The following ARHGAP17 variants were observed in gnomAD, a reference collection of about 807,000 sequenced individuals.
ARHGAP17 encodes Rho GTPase activating protein 17.
In ARHGAP17, 57 loss-of-function variants were observed where a neutral mutation model predicts 99.5. The observed-to-expected ratio is 0.57, with a 90% CI of 0.46 to 0.71. The LOEUF (loss-of-function observed/expected upper bound fraction) is 0.71. ARHGAP17 is among the 30% of genes least tolerant of loss of function. The probability of loss-of-function intolerance (pLI) is 0.00; values close to 1 mark genes in which losing one functional copy is unlikely to be tolerated. For missense variants in ARHGAP17, 1,000 were observed against 1,122.4 expected (o/e 0.89, Z 1.56); for synonymous variants, 417 against 429.6 (o/e 0.97, Z 0.36).
intron 1 of ARHGAP17, among the ~76,000 whole-genome samples, chr16:24,994,299 T>C (rs2053133116): frequency 6.6e-6 from 1 of 152,142 alleles, no homozygotes; most frequent in Admixed American, 6.5e-5. Context: ...TTTAATGAGG[T>C]GTTTTGTCAA....
intron 6 of ARHGAP17, among the ~76,000 whole-genome samples, chr16:24,966,333 C>A (rs558628013): frequency 6.6e-6 from 1 of 152,060 alleles, no homozygotes; most frequent in South Asian, 2.1e-4. Context: ...CAGGTCTCTA[C>A]TAAAAATAAA....
At chr16:24,923,730 A>ATT (rs1368497657) in intron 19 of ARHGAP17, among the ~76,000 whole-genome samples, 3,387 of 133,358 alleles carry the variant, frequency 0.025, 121 homozygotes, top group African/African-American at 0.1. Flanking sequence ...TTTTTTTTAA[A>ATT]AAAAAAAAAA....
intron 19 of ARHGAP17, among the ~76,000 whole-genome samples, chr16:24,928,643 G>A (rs1439012080): frequency 6.6e-6 from 1 of 152,152 alleles, no homozygotes; most frequent in African/African-American, 2.4e-5. Context: ...TCCACTTACG[G>A]TTCCTACAGA....
intron 19 of ARHGAP17, among the ~76,000 whole-genome samples, chr16:24,927,013 A>G (rs1300143492): frequency 6.6e-6 from 1 of 152,162 alleles, no homozygotes; most frequent in Admixed American, 6.5e-5. Context: ...GCTCACACCT[A>G]TAATCCCAGC....
rs1839765438 is a variant in ARHGAP17, at chr16:24,964,181, C to A, written c.573+16G>T. On this transcript the variant is annotated intron_variant, in intron 7 of 19. Coordinates refer to ENST00000289968, the MANE Select transcript of ARHGAP17 (RefSeq NM_001006634.3). The stretch of plus-strand genomic sequence containing the variant: ...GCAAAAACCGAAAAGATACATTTAT[C>A]AAGGAATTCTCATACCTTGCACTGT... 1.3e-6 allele frequency: 2 copies of A among 1,502,500 alleles called. No individual in the cohort carries two copies. Among genetic ancestry groups the A allele is most frequent in the African/African-American group, 1.4e-5 (1 of 71,118 alleles). 93.1% of individuals were successfully genotyped at this position (1,502,500 alleles called of 1,614,324 possible). A position where few individuals can be genotyped will look rare whatever the true frequency, so the allele number is the denominator to read the frequency against.
In ARHGAP17 at chr16:24,939,513, C is replaced by T. The variant is rs765958113; in HGVS notation, c.1575G>A (p.Pro525=). Residue 525 remains proline (P), a synonymous_variant, in exon 17 of 20, where the codon CCG becomes CCA. Coordinates refer to ENST00000289968, the MANE Select transcript of ARHGAP17 (RefSeq NM_001006634.3). ...NRKHISPAFQ[P]PLPPTDGSTV... is the part of the protein sequence containing the mutation. ...TGCTGCCATCTGTGGGCGGAAGTGG[C>T]GGCTGGAAAGCGGGGGATATGTGCT... 20 of 1,610,220 alleles carry T rather than the reference C, an allele frequency of 1.2e-5. No homozygotes were observed. Among genetic ancestry groups the T allele is most frequent in the African/African-American group, 2.7e-5 (2 of 74,912 alleles).
At chr16:24,925,849 G>T (rs144211602) in intron 19 of ARHGAP17, among the ~76,000 whole-genome samples, 1 of 152,126 alleles carries the variant, frequency 6.6e-6, no homozygotes, top group Non-Finnish European at 1.5e-5. Context: ...GGTGGCTCAC[G>T]CCTGTAATCC....
chr16:25,014,704 C>G (rs2141566011), intron 1 of ARHGAP17, among the ~76,000 whole-genome samples: 1 of 152,348 alleles, frequency 6.6e-6, no homozygotes, highest in East Asian at 1.9e-4. Flanking sequence ...TTTCATGTCC[C>G]TCTAGCCATT....
chr16:24,973,938 G>C (rs1027093321), intron 3 of ARHGAP17, among the ~76,000 whole-genome samples: 1 of 152,238 alleles, frequency 6.6e-6, no homozygotes, highest in African/African-American at 2.4e-5. Context: ...TATGTGGCTG[G>C]CACAGGGTGT....
intron 12 of ARHGAP17, among the ~76,000 whole-genome samples, chr16:24,949,772 G>C (rs2051579550): frequency 6.6e-6 from 1 of 152,220 alleles, no homozygotes; most frequent in Admixed American, 6.5e-5. Flanking sequence ...TGGCACAGAA[G>C]AGACAAGACA....
intron 19 of ARHGAP17, among the ~76,000 whole-genome samples, chr16:24,923,136 A>T (rs759707884): frequency 6.6e-6 from 1 of 152,212 alleles, no homozygotes; most frequent in African/African-American, 2.4e-5. Flanking sequence ...CCAAGGTGAC[A>T]CAGCCAGTGT....
chr16:25,006,943 G>T (rs2053522727), intron 1 of ARHGAP17, among the ~76,000 whole-genome samples: 2 of 152,298 alleles, frequency 1.3e-5, no homozygotes, highest in Non-Finnish European at 2.9e-5. Context: ...TAGTTATGGG[G>T]CTGAGATCAC....
chr16:25,003,301 C>T (rs2053421102), intron 1 of ARHGAP17, among the ~76,000 whole-genome samples: 1 of 129,440 alleles, frequency 7.7e-6, no homozygotes, highest in Non-Finnish European at 1.6e-5. Context: ...GTGGCAGGAT[C>T]TCAGCTCATT....
chr16:24,956,083 A>C (rs1325454913), intron 9 of ARHGAP17: 1 of 152,226 alleles, frequency 6.6e-6, no homozygotes, highest in Non-Finnish European at 1.5e-5. Flanking sequence ...TATCTAAAGC[A>C]ATAAGTTACA....
At chr16:24,980,427 CCAGGGCCAGAGGAT>C (rs1421436323) in intron 1 of ARHGAP17, among the ~76,000 whole-genome samples, 1 of 152,180 alleles carries the variant, frequency 6.6e-6, no homozygotes, top group African/African-American at 2.4e-5. Context: ...CAAATACTTC[CCAGGGCCAGAGGAT>C]CAGGGCCTAG....
chr16:24,956,523 T>C (rs1418214817), intron 9 of ARHGAP17: 3 of 152,182 alleles, frequency 2.0e-5, no homozygotes, highest in Non-Finnish European at 4.4e-5. Context: ...AGACAAGACA[T>C]ATTTGCTAAG....
At chr16:24,959,242 GCAT>G (rs1347877444) in intron 9 of ARHGAP17, among the ~76,000 whole-genome samples, 2 of 152,204 alleles carry the variant, frequency 1.3e-5, no homozygotes, top group African/African-American at 4.8e-5. Flanking sequence ...GCATGATGTG[GCAT>G]CAAGTACTGG....
At chr16:24,932,127 G>C (rs954547019) in intron 18 of ARHGAP17, among the ~76,000 whole-genome samples, 2 of 151,154 alleles carry the variant, frequency 1.3e-5, no homozygotes, top group African/African-American at 4.9e-5. Flanking sequence ...AAAAAAAGTT[G>C]GGGGGGATGG....
intron 14 of ARHGAP17, among the ~76,000 whole-genome samples, chr16:24,945,538 C>T (rs2051445750): frequency 1.3e-5 from 2 of 152,150 alleles, no homozygotes; most frequent in African/African-American, 4.8e-5. Flanking sequence ...CATGAGGACA[C>T]TGGGTTCCCA....
Sources: gnomAD v4.1 joint callset for allele counts (sites outside exome capture counted in the v4.1 genomes callset) on GRCh38, gnomAD v4.1.1 for gene constraint, MANE v1.5 for transcripts, NCBI Gene and HGNC (gene_info 2026-07-23, HGNC 2026-07-21) for gene names.